The following ZNF385D variants were observed in gnomAD, a reference collection of about 807,000 sequenced individuals.
The protein encoded by ZNF385D is zinc finger protein 385D, also known as zinc finger protein 659.
A neutral mutation model predicts 35.8 loss-of-function variants in ZNF385D; 15 were observed. The observed-to-expected ratio is 0.42, with a 90% CI of 0.28 to 0.64. The LOEUF (loss-of-function observed/expected upper bound fraction) is 0.64, where lower values mean the gene tolerates loss of function less well. ZNF385D is among the 30% of genes least tolerant of loss of function. The probability of loss-of-function intolerance (pLI) is 0.23; values close to 1 mark genes in which losing one functional copy is unlikely to be tolerated. For synonymous variants in ZNF385D, 212 were observed against 186.8 expected (o/e 1.13, Z -1.10); for missense variants, 474 against 494.6 (o/e 0.96, Z 0.39).
chr3:21,962,663 C>A (rs1272390568), intron 3 of ZNF385D, among the ~76,000 whole-genome samples: 1 of 152,126 alleles, frequency 6.6e-6, no homozygotes, highest in African/African-American at 2.4e-5. Context: ...TGGCTTCTTG[C>A]CAGTGCTATT....
At chr3:22,368,789 T>G (rs1419310829) in intron 2 of ZNF385D, among the ~76,000 whole-genome samples, 1 of 152,212 alleles carries the variant, frequency 6.6e-6, no homozygotes, top group Non-Finnish European at 1.5e-5. Context: ...CATTAAGGGC[T>G]AGGGCTCCAC....
chr3:21,448,877 G>T (rs1262783127), intron 4 of ZNF385D, among the ~76,000 whole-genome samples: 2 of 151,916 alleles, frequency 1.3e-5, no homozygotes, highest in Admixed American at 1.3e-4. Context: ...ACCAAAATTT[G>T]CCAAACTATG....
At chr3:21,884,721 G>C (rs958858473) in intron 3 of ZNF385D, among the ~76,000 whole-genome samples, 1 of 151,986 alleles carries the variant, frequency 6.6e-6, no homozygotes, top group Non-Finnish European at 1.5e-5. Context: ...CTATATAATT[G>C]TGTGCTAACG....
chr3:21,508,077 C>T (rs2125458032), intron 4 of ZNF385D, among the ~76,000 whole-genome samples: 1 of 152,110 alleles, frequency 6.6e-6, no homozygotes, highest in South Asian at 2.1e-4. Flanking sequence ...AATGTCTTTC[C>T]TAATGTCCAT....
chr3:21,987,538 A>C (rs1185897076), intron 3 of ZNF385D, among the ~76,000 whole-genome samples: 1 of 128,580 alleles, frequency 7.8e-6, no homozygotes, highest in African/African-American at 3.6e-5. Flanking sequence ...CGAGAGATCC[A>C]CTGTTAGTCT....
chr3:21,722,072 CT>C (rs1177955280), intron 1 of ZNF385D, among the ~76,000 whole-genome samples: 2 of 137,158 alleles, frequency 1.5e-5, no homozygotes, highest in Non-Finnish European at 3.0e-5. Context: ...TGCACTCCAA[CT>C]TTGGAGACAG....
intron 3 of ZNF385D, among the ~76,000 whole-genome samples, chr3:22,058,675 TTTTG>T (rs1465094440): frequency 5.3e-5 from 8 of 152,346 alleles, no homozygotes; most frequent in African/African-American, 1.9e-4. Flanking sequence ...TTACCATTTG[TTTTG>T]TTTATATTTT....
chr3:21,757,712 T>A (rs1011708679), intron 3 of ZNF385D, among the ~76,000 whole-genome samples: 3 of 152,216 alleles, frequency 2.0e-5, no homozygotes, highest in Non-Finnish European at 4.4e-5. Flanking sequence ...ACATATACAT[T>A]AGGATTTGGA....
intron 3 of ZNF385D, among the ~76,000 whole-genome samples, chr3:21,862,853 A>C (rs1272628820): frequency 6.6e-6 from 1 of 152,162 alleles, no homozygotes; most frequent in East Asian, 1.9e-4. Flanking sequence ...AGTCAAACTG[A>C]ACTGTTAGCT....
chr3:22,074,923 C>T (rs1208006878), intron 3 of ZNF385D, among the ~76,000 whole-genome samples: 1 of 151,828 alleles, frequency 6.6e-6, no homozygotes, highest in African/African-American at 2.4e-5. Context: ...GTCACCATCA[C>T]CAAGAAACCT....
At chr3:21,639,606 T>C (rs1036503654) in intron 2 of ZNF385D, among the ~76,000 whole-genome samples, 4 of 152,038 alleles carry the variant, frequency 2.6e-5, no homozygotes, top group African/African-American at 9.7e-5. Context: ...TGGTAGACAC[T>C]TGGCTTTTGT....
At chr3:21,796,010 T>A (rs909651956) in intron 3 of ZNF385D, among the ~76,000 whole-genome samples, 8 of 152,256 alleles carry the variant, frequency 5.3e-5, no homozygotes, top group Non-Finnish European at 1.2e-4. Flanking sequence ...GAAATGACTA[T>A]GTGGCAATAC....
At chr3:21,737,132 G>A (rs1327770679) in intron 1 of ZNF385D, among the ~76,000 whole-genome samples, 2 of 152,038 alleles carry the variant, frequency 1.3e-5, no homozygotes, top group African/African-American at 2.4e-5. Flanking sequence ...TAGGAACGGA[G>A]TTTCACCATG....
chr3:22,066,408 CTGTGTG>C (rs1302160225), intron 3 of ZNF385D, among the ~76,000 whole-genome samples: 3 of 139,282 alleles, frequency 2.2e-5, no homozygotes, highest in Non-Finnish European at 4.6e-5. Context: ...AGATGGTTCC[CTGTGTG>C]TGTGTCTGCG....
At chr3:21,910,501 A>T (rs1435226769) in intron 3 of ZNF385D, among the ~76,000 whole-genome samples, 1 of 151,964 alleles carries the variant, frequency 6.6e-6, no homozygotes, top group Non-Finnish European at 1.5e-5. Context: ...AGTAGAATTT[A>T]CTACTTTCAG....
At chr3:21,599,068 G>A (rs564204292) in intron 2 of ZNF385D, among the ~76,000 whole-genome samples, 4 of 152,306 alleles carry the variant, frequency 2.6e-5, no homozygotes, top group African/African-American at 7.2e-5. Flanking sequence ...ATTTTTAAAT[G>A]TGAATCTGGT....
At chr3:22,105,742 T>C (rs1702178291) in intron 3 of ZNF385D, among the ~76,000 whole-genome samples, 2 of 152,118 alleles carry the variant, frequency 1.3e-5, no homozygotes, top group Non-Finnish European at 2.9e-5. Flanking sequence ...GGGTGATGCC[T>C]ACCAACATTG....
At chr3:21,740,019 C>T (rs780013095) in intron 1 of ZNF385D, among the ~76,000 whole-genome samples, 2 of 152,120 alleles carry the variant, frequency 1.3e-5, no homozygotes, top group Non-Finnish European at 2.9e-5. Flanking sequence ...ATCTAAGGTT[C>T]AAATTCAGTC....
chr3:21,978,613 G>C (rs1403964132), intron 3 of ZNF385D, among the ~76,000 whole-genome samples: 1 of 152,140 alleles, frequency 6.6e-6, no homozygotes, highest in Non-Finnish European at 1.5e-5. Context: ...CCTGATATTA[G>C]TAAAAATTTC....
Sources: allele counts gnomAD v4.1 joint callset (sites outside exome capture counted in the v4.1 genomes callset), GRCh38; gene constraint gnomAD v4.1.1; transcripts MANE v1.5; gene names NCBI Gene and HGNC (gene_info 2026-07-23, HGNC 2026-07-21).